PPP5C: variants seen among roughly 807,000 people sequenced by gnomAD.
The protein encoded by PPP5C is protein phosphatase 5 catalytic subunit.
In PPP5C, 21 loss-of-function variants were observed where a neutral mutation model predicts 66.7. The observed-to-expected ratio is 0.31, with a 90% confidence interval of 0.22 to 0.45. The LOEUF (loss-of-function observed/expected upper bound fraction) is 0.45. Ranked by LOEUF, PPP5C falls within the 20% of genes least tolerant of loss-of-function variation. The pLI is 1.00. For synonymous variants in PPP5C, 246 were observed against 257.4 expected (o/e 0.96, Z 0.43); for missense variants, 464 against 675.9 (o/e 0.69, Z 3.48).
At chr19:46,390,194 C>T (rs1279830781) in intron 12 of PPP5C, 62 bp downstream of exon 12, 3 of 1,609,588 alleles carry the variant, frequency 1.9e-6, no homozygotes, top group Non-Finnish European at 2.6e-6. Context: ...GAGGCTGAGA[C>T]CCTGGTAAGG....
chr19:46,361,682 T>TGGGG, intron 2 of PPP5C, among the ~76,000 whole-genome samples: 1 of 151,110 alleles, frequency 6.6e-6, no homozygotes, highest in Admixed American at 6.6e-5. Flanking sequence ...GGAAAATCAC[T>TGGGG]TGAATCCGGG....
chr19:46,363,475 G>A (rs1972436182), intron 2 of PPP5C, among the ~76,000 whole-genome samples: 1 of 151,202 alleles, frequency 6.6e-6, no homozygotes, highest in South Asian at 2.1e-4. Context: ...CTGTCGCCAG[G>A]CTGGAGAGCA....
chr19:46,349,857 A>G (rs1289389593), intron 1 of PPP5C, among the ~76,000 whole-genome samples: 5 of 148,774 alleles, frequency 3.4e-5, no homozygotes. Context: ...CCAGGCAGGG[A>G]AAAAAAAAAC....
intron 1 of PPP5C, 100 bp from the exon 2 acceptor site, chr19:46,353,648 C>A: frequency 6.5e-7 from 1 of 1,535,514 alleles, no homozygotes; most frequent in South Asian, 1.2e-5. Flanking sequence ...TAGCCCTCAG[C>A]TTCCCCATCT....
chr19:46,387,504 G>C (rs766752432), intron 9 of PPP5C, 51 bp downstream of exon 9: 4 of 1,613,864 alleles, frequency 2.5e-6, no homozygotes, highest in Non-Finnish European at 3.4e-6. Flanking sequence ...AGCCTGGGCT[G>C]AGCTCTCCCC....
intron 2 of PPP5C, among the ~76,000 whole-genome samples, chr19:46,363,107 A>G (rs2147373107): frequency 6.7e-6 from 1 of 149,292 alleles, no homozygotes; most frequent in South Asian, 2.1e-4. Flanking sequence ...TTTTTATTAA[A>G]ACCATCCCGG....
At chr19:46,373,894 A>C (rs1344246431) in intron 2 of PPP5C, among the ~76,000 whole-genome samples, 3 of 151,988 alleles carry the variant, frequency 2.0e-5, no homozygotes, top group Non-Finnish European at 2.9e-5. Flanking sequence ...GGTGCAAATG[A>C]GGTGCTCTGG....
chr19:46,372,578 G>T (rs1372997550), intron 2 of PPP5C, among the ~76,000 whole-genome samples: 1 of 152,182 alleles, frequency 6.6e-6, no homozygotes, highest in Non-Finnish European at 1.5e-5. Flanking sequence ...AGCCCCCAGG[G>T]CTTCTTCGGG....
rs1973005469 is a variant in PPP5C at position 46,390,685 on chromosome 19, T to C, written c.*339T>C. Reference sequence around the variant, plus strand: ...CATGGCTCCTCCCCCACTCAAGCAATAGGGCCCCGCCATAGGAAGACCCCC... The same window carrying C: ...CATGGCTCCTCCCCCACTCAAGCAACAGGGCCCCGCCATAGGAAGACCCCC... On this transcript the variant is annotated 3_prime_UTR_variant, in exon 13 of 13. Transcript: ENST00000012443. 5.0e-6 allele frequency: 6 copies of C among 1,203,838 alleles called. No individual in the cohort carries two copies. The highest frequency in any genetic ancestry group is 5.2e-6 in the Non-Finnish European group (5 of 954,870). 74.6% of individuals were successfully genotyped at this position (1,203,838 alleles called of 1,614,324 possible).
intron 4 of PPP5C, among the ~76,000 whole-genome samples, chr19:46,379,104 A>T (rs183076647): frequency 4.2e-4 from 64 of 152,344 alleles, no homozygotes; most frequent in African/African-American, 1.4e-3. Flanking sequence ...ACCAGGGTAG[A>T]GTGCAGTGGC....
At chr19:46,349,648 G>A (rs1396967703) in intron 1 of PPP5C, among the ~76,000 whole-genome samples, 1 of 152,070 alleles carries the variant, frequency 6.6e-6, no homozygotes, top group Non-Finnish European at 1.5e-5. Context: ...GGGGTGCTGT[G>A]GTTCAGTTAG....
chr19:46,371,019 C>T (rs557275643), intron 2 of PPP5C, among the ~76,000 whole-genome samples: 23 of 152,274 alleles, frequency 1.5e-4, no homozygotes, highest in Middle Eastern at 6.8e-3. Flanking sequence ...GGATTACAGG[C>T]GTGAGCCACC....
intron 2 of PPP5C, among the ~76,000 whole-genome samples, chr19:46,366,079 AC>A (rs34461928): frequency 2.0e-5 from 3 of 152,026 alleles, no homozygotes; most frequent in Non-Finnish European, 4.4e-5. Context: ...AGGAGCACTC[AC>A]CCTTTTGCCC....
At chr19:46,350,693 C>A (rs1483350520) in intron 1 of PPP5C, among the ~76,000 whole-genome samples, 1 of 152,176 alleles carries the variant, frequency 6.6e-6, no homozygotes, top group Non-Finnish European at 1.5e-5. Context: ...TCCCCGGGGG[C>A]TGGGAGATGG....
Position 46,390,958 on chromosome 19 carries a change from C to G in PPP5C, c.*612C>G. 8.4e-7 allele frequency: 1 copy of G among 1,184,364 alleles called. No individual in the cohort carries two copies. Among genetic ancestry groups the G allele is most frequent in the East Asian group, 5.9e-5 (1 of 16,856 alleles). The allele number at this position is 1,184,364 out of a possible 1,614,324, so 73.4% of individuals were successfully genotyped here. Reference sequence around the variant, plus strand: ...CGCAAAGTCCCGCTGGCCGGGCCCACCCAGCTCTGGGCTGACCGCCCAAGT... The same window carrying G: ...CGCAAAGTCCCGCTGGCCGGGCCCAGCCAGCTCTGGGCTGACCGCCCAAGT... On this transcript the variant is annotated 3_prime_UTR_variant, in exon 13 of 13. Coordinates refer to ENST00000012443, the MANE Select transcript of PPP5C (RefSeq NM_006247.4).
At chr19:46,371,451 ACC>A (rs1314077226) in intron 2 of PPP5C, among the ~76,000 whole-genome samples, 1 of 152,114 alleles carries the variant, frequency 6.6e-6, no homozygotes, top group Admixed American at 6.5e-5. Flanking sequence ...CTTCACGGCT[ACC>A]CTGCGCAGTG....
chr19:46,357,348 C>T (rs574894480), intron 2 of PPP5C, among the ~76,000 whole-genome samples: 1 of 152,300 alleles, frequency 6.6e-6, no homozygotes, highest in East Asian at 1.9e-4. Context: ...GCACCCGGCC[C>T]CAAAGTGTTT....
Position 46,388,565 on chromosome 19 carries a change from A to G in PPP5C, c.1189A>G (p.Ile397Val), listed in dbSNP as rs1972933518. The G allele has an allele frequency of 1.9e-6, 3 of 1,613,890 alleles. No individual in the cohort carries two copies. The highest frequency in any genetic ancestry group is 2.7e-5 in the African/African-American group (2 of 74,912). Reference sequence around the variant, plus strand: ...TGCCCACCCTCAGAACGGGCGCTCGATCAGCAAGCGGGGCGTGAGCTGTCA... The same window carrying G: ...TGCCCACCCTCAGAACGGGCGCTCGGTCAGCAAGCGGGGCGTGAGCTGTCA... ...SDPQPQNGRS[I>V]SKRGVSCQFG... Residue 397 changes from isoleucine (I) to valine (V), a missense_variant, in exon 11 of 13, where the codon ATC becomes GTC. Ile to Val is a conservative substitution (Grantham distance 29, BLOSUM62 3). Coordinates refer to ENST00000012443, the MANE Select transcript of PPP5C (RefSeq NM_006247.4). This position sits in a 1 kb window ranked among gnomAD's most constrained non-coding sequence, Gnocchi z 4.9.
Position 46,383,120 on chromosome 19 carries a change from G to A in PPP5C, c.634-291G>A, listed in dbSNP as rs1972821554. 1.5e-6 allele frequency: 2 copies of A among 1,319,846 alleles called. No homozygotes were observed. The highest frequency in any genetic ancestry group is 3.5e-5 in the East Asian group (1 of 28,328). 81.8% of individuals were successfully genotyped at this position (1,319,846 alleles called of 1,614,324 possible). On this transcript the variant is annotated intron_variant, in intron 4 of 12. Coordinates refer to ENST00000012443, the MANE Select transcript of PPP5C (RefSeq NM_006247.4). This position sits in a 1 kb window ranked among gnomAD's most constrained non-coding sequence, Gnocchi z 5.0. ...TCTTTTATAAAATGTTCTACGATCTGGATTCATGCATGTATTTCCACTTGA... is the reference window on the plus strand; with the variant it reads ...TCTTTTATAAAATGTTCTACGATCTAGATTCATGCATGTATTTCCACTTGA...
Sources: allele counts gnomAD v4.1 joint callset (sites outside exome capture counted in the v4.1 genomes callset), GRCh38; gene constraint gnomAD v4.1.1; non-coding constraint Gnocchi (gnomAD v3.1); transcripts MANE v1.5; gene names NCBI Gene and HGNC (gene_info 2026-07-23, HGNC 2026-07-21).